KIF6: variants seen among roughly 807,000 people sequenced by gnomAD.
KIF6 encodes the protein kinesin family member 6.
Under a neutral mutation model 112.7 loss-of-function variants are expected in KIF6, and 106 were observed. The ratio of observed to expected loss-of-function variants is 0.94; its 90% CI spans 0.80 to 1.11. The LOEUF (loss-of-function observed/expected upper bound fraction) is 1.11. Among genes scored for constraint, KIF6 ranks in the 50% least tolerant of loss-of-function variants. The pLI is 0.00. For missense variants in KIF6, 929 were observed against 964.0 expected, an observed-to-expected ratio of 0.96 and a Z score of 0.48; for synonymous variants, 339 against 339.9, an observed-to-expected ratio of 1.00 and a Z score of 0.03.
chr6:39,590,687 G>C (rs1781903828), intron 7 of KIF6, among the ~76,000 whole-genome samples: 1 of 151,956 alleles, frequency 6.6e-6, no homozygotes, highest in Non-Finnish European at 1.5e-5. Flanking sequence ...CTGACCTCAA[G>C]TGATCCACCC....
intron 15 of KIF6, among the ~76,000 whole-genome samples, chr6:39,394,283 T>G (rs1283859371): frequency 6.6e-6 from 1 of 152,152 alleles, no homozygotes; most frequent in Non-Finnish European, 1.5e-5. Flanking sequence ...GAAATAAAAA[T>G]TAAATACCCA....
chr6:39,586,767 G>T (rs1042297826), intron 7 of KIF6, among the ~76,000 whole-genome samples: 3 of 152,078 alleles, frequency 2.0e-5, no homozygotes, highest in Admixed American at 2.0e-4. Context: ...TACCAAAATT[G>T]GGCTGTACAC....
At chr6:39,449,050 G>A (rs1331138267) in intron 13 of KIF6, among the ~76,000 whole-genome samples, 2 of 152,280 alleles carry the variant, frequency 1.3e-5, no homozygotes, top group African/African-American at 4.8e-5. Flanking sequence ...AATCCCTTCA[G>A]AATAATGCCT....
chr6:39,354,393 G>A lies in KIF6; in HGVS notation c.2180+2884C>T, dbSNP rs1025522137. Among the ~76,000 whole-genome samples, 4 of 152,170 alleles carry A rather than the reference G, an allele frequency of 2.6e-5. No homozygotes were observed. In the East Asian group the frequency reaches 5.8e-4, roughly 22 times the overall value. On this transcript the variant is annotated intron_variant, in intron 19 of 22. Coordinates refer to ENST00000287152, the MANE Select transcript of KIF6 (RefSeq NM_145027.6). ...TGGACAGATGATCATATCCCAAACTGGCTCACATGGGACATCTATCCATTT... is the reference window on the plus strand; with the variant it reads ...TGGACAGATGATCATATCCCAAACTAGCTCACATGGGACATCTATCCATTT...
intron 15 of KIF6, among the ~76,000 whole-genome samples, chr6:39,419,247 G>A (rs1770161725): frequency 6.6e-6 from 1 of 151,288 alleles, no homozygotes; most frequent in Admixed American, 6.6e-5. Context: ...CCAGTCACAT[G>A]GGAAGCTGAG....
At chr6:39,684,388 G>A (rs968072331) in intron 3 of KIF6, among the ~76,000 whole-genome samples, 1 of 152,002 alleles carries the variant, frequency 6.6e-6, no homozygotes, top group Non-Finnish European at 1.5e-5. Context: ...AGGCCAAGGT[G>A]GGTGATCACC....
intron 16 of KIF6, among the ~76,000 whole-genome samples, chr6:39,382,149 G>C (rs1767003539): frequency 6.6e-6 from 1 of 152,146 alleles, no homozygotes; most frequent in African/African-American, 2.4e-5. Flanking sequence ...TCACATCATT[G>C]TTTGTTTATT....
At chr6:39,569,693 CCT>C (rs1200061350) in intron 10 of KIF6, among the ~76,000 whole-genome samples, 5 of 152,168 alleles carry the variant, frequency 3.3e-5, no homozygotes, top group Admixed American at 2.6e-4. Context: ...TAAAATCTTT[CCT>C]CTCTGTTTCC....
intron 13 of KIF6, among the ~76,000 whole-genome samples, chr6:39,478,487 T>C (rs948011838): frequency 1.3e-5 from 2 of 152,236 alleles, no homozygotes; most frequent in Admixed American, 6.5e-5. Context: ...CAAATTGTGC[T>C]GCTATAAACA....
Position 39,578,158 on chromosome 6 carries a change from A to G in KIF6, c.1079T>C (p.Val360Ala), listed in dbSNP as rs1241034736. Residue 360 changes from valine (V) to alanine (A), a missense_variant and splice_region_variant, in exon 10 of 23, where the codon GTG (valine) becomes GCG (alanine). Transcript: ENST00000287152. ...VLNEEINPRLVIKRLQKEIQE... is the reference protein window; with the variant it reads ...VLNEEINPRLAIKRLQKEIQE... ...GATTTCCTTTTGTAGGCGTTTAATC[A>G]CCTACAAATGGCAAAGAGGCAGAGA... The G allele has an allele frequency of 1.9e-6, 3 of 1,599,862 alleles. No homozygotes were observed. Among genetic ancestry groups the G allele is most frequent in the South Asian group, 1.1e-5 (1 of 90,762 alleles).
At chr6:39,489,363 G>A (rs959358964) in intron 13 of KIF6, among the ~76,000 whole-genome samples, 4 of 151,990 alleles carry the variant, frequency 2.6e-5, no homozygotes, top group South Asian at 2.1e-4. Flanking sequence ...GCTGGTCATC[G>A]CAATAGACTT....
At chr6:39,544,474 C>A in intron 12 of KIF6, 81 bp downstream of exon 12, 1 of 1,434,218 alleles carries the variant, frequency 7.0e-7, no homozygotes, top group South Asian at 1.6e-5. Flanking sequence ...GGGAGCTCAG[C>A]CATGTGGCTC....
intron 13 of KIF6, among the ~76,000 whole-genome samples, chr6:39,530,579 G>A (rs1777994693): frequency 6.6e-6 from 1 of 152,136 alleles, no homozygotes; most frequent in African/African-American, 2.4e-5. Context: ...GCCATGTCAG[G>A]CTGCTTGCGC....
chr6:39,649,235 C>CA (rs1785334963), intron 3 of KIF6, among the ~76,000 whole-genome samples: 1 of 152,106 alleles, frequency 6.6e-6, no homozygotes, highest in African/African-American at 2.4e-5. Flanking sequence ...CTTACAGCTT[C>CA]AGTTCTATGA....
intron 13 of KIF6, among the ~76,000 whole-genome samples, chr6:39,519,107 T>C (rs919563302): frequency 9.9e-5 from 15 of 152,178 alleles, no homozygotes; most frequent in African/African-American, 3.1e-4. Flanking sequence ...GCTAGCCTGA[T>C]TGCATGGTTG....
intron 13 of KIF6, among the ~76,000 whole-genome samples, chr6:39,520,053 T>A (rs535877193): frequency 2.6e-5 from 4 of 152,004 alleles, no homozygotes; most frequent in African/African-American, 7.2e-5. Context: ...AACAAAAAAA[T>A]AAATAAATAA....
At position 39,342,002 on chromosome 6, in the gene KIF6, T is replaced by C. The variant is rs1451422429; in HGVS notation, c.2428+1707A>G. Among the ~76,000 whole-genome samples, 1 of 152,196 alleles carries C rather than the reference T, an allele frequency of 6.6e-6. No homozygotes were observed. The highest frequency in any genetic ancestry group is 1.5e-5 in the Non-Finnish European group (1 of 68,030). On this transcript the variant is annotated intron_variant, in intron 22 of 22. Transcript: ENST00000287152. The surrounding 1 kb of genome is among the most constrained non-coding windows in gnomAD (Gnocchi z 4.7). Reference sequence around the variant, plus strand: ...TTAAAATTATTCAGTGGGCTTCCACTCTATCCAGAATAAAATCCAAATCTC... The same window carrying C: ...TTAAAATTATTCAGTGGGCTTCCACCCTATCCAGAATAAAATCCAAATCTC...
chr6:39,575,888 C>T (rs978795604), intron 10 of KIF6, among the ~76,000 whole-genome samples: 2 of 152,188 alleles, frequency 1.3e-5, no homozygotes, highest in South Asian at 2.1e-4. Flanking sequence ...TCCCACCTCT[C>T]GGTCCCTCAG....
At chr6:39,427,414 C>T (rs1176503476) in intron 14 of KIF6, among the ~76,000 whole-genome samples, 3 of 152,154 alleles carry the variant, frequency 2.0e-5, no homozygotes, top group South Asian at 2.1e-4. Context: ...TTTTCTTATT[C>T]CCCTTCCTTA....
Sources: gnomAD v4.1 joint callset for allele counts (sites outside exome capture counted in the v4.1 genomes callset) on GRCh38, gnomAD v4.1.1 for gene constraint, Gnocchi (gnomAD v3.1) non-coding constraint, MANE v1.5 for transcripts, NCBI Gene and HGNC (gene_info 2026-07-23, HGNC 2026-07-21) for gene names.